Variants in BEGAIN observed in about 807,000 individuals in gnomAD.
The protein encoded by BEGAIN is brain-enriched guanylate kinase-associated protein.
In BEGAIN, 19 loss-of-function variants were observed where a neutral mutation model predicts 35.8. The ratio of observed to expected loss-of-function variants is 0.53; its 90% confidence interval spans 0.37 to 0.78. The LOEUF is 0.78. Ranked by LOEUF, BEGAIN falls within the 30% of genes least tolerant of loss-of-function variation. The pLI, the probability that BEGAIN is intolerant of heterozygous loss-of-function variation, is 0.00. For missense variants in BEGAIN, 795 were observed against 853.6 expected (o/e 0.93, Z 0.85); for synonymous variants, 462 against 388.6 (o/e 1.19, Z -2.22).
In BEGAIN at chr14:100,586,996, A is replaced by G. The variant is rs542518997; in HGVS notation, c.42+253T>C. ...CAGGGCGCAAGGACCCCGCGATAGG[A>G]CCCGGGCGCTCCCGGCGGCGCGCGG... is the stretch of plus-strand genomic sequence containing the variant. On this transcript the variant is annotated intron_variant, in intron 1 of 6. Coordinates refer to ENST00000554140, the MANE Select transcript of BEGAIN (RefSeq NM_001385089.1). The surrounding 1 kb of genome is among the most constrained non-coding windows in gnomAD (Gnocchi z 4.9). Among the ~76,000 whole-genome samples the G allele has an allele frequency of 6.6e-6, 1 of 151,004 alleles. No individual in the cohort carries two copies. The highest frequency in any genetic ancestry group is 2.4e-5 in the African/African-American group (1 of 41,110).
intron 2 of BEGAIN, chr14:100,550,504 C>T (rs893979687): frequency 2.5e-5 from 10 of 398,974 alleles, no homozygotes; most frequent in African/African-American, 6.2e-5. Context: ...CCAGGGGCTG[C>T]GCAGCCTGTG....
In BEGAIN at chr14:100,568,631, C is replaced by T. The variant is rs1301648391; in HGVS notation, c.43-692G>A. The T allele has an allele frequency of 2.5e-6, 2 of 796,010 alleles. No individual in the cohort carries two copies. Among genetic ancestry groups the T allele is most frequent in the Middle Eastern group, 5.5e-4 (1 of 1,816 alleles). The allele number at this position is 796,010 out of a possible 1,614,324, so 49.3% of individuals were successfully genotyped here. A position where few individuals can be genotyped will look rare whatever the true frequency, so the allele number is the denominator to read the frequency against. On this transcript the variant is annotated intron_variant, in intron 1 of 6. Coordinates refer to ENST00000554140, the MANE Select transcript of BEGAIN (RefSeq NM_001385089.1). The surrounding 1 kb of genome is among the most constrained non-coding windows in gnomAD (Gnocchi z 7.5). ...CCCGCCCGCGCGCGGCTTGGAGACC[C>T]TCCCTGCCCAGCCCCGCTCAGCCGG...
intron 1 of BEGAIN, among the ~76,000 whole-genome samples, chr14:100,570,925 C>T (rs775959049): frequency 4.6e-5 from 7 of 152,192 alleles, no homozygotes; most frequent in African/African-American, 7.2e-5. Context: ...GCTGGAGAAC[C>T]GCGGCGCTGC....
chr14:100,542,699 C>T (rs2031803710), intron 5 of BEGAIN, among the ~76,000 whole-genome samples: 1 of 152,232 alleles, frequency 6.6e-6, no homozygotes, highest in South Asian at 2.1e-4. Flanking sequence ...CAAAACACAA[C>T]CAGAATCCCA....
At position 100,573,114 on chromosome 14, in the gene BEGAIN, A is replaced by G. The variant is rs2035121500; in HGVS notation, c.43-5175T>C. 6.6e-6 allele frequency among the ~76,000 whole-genome samples: 1 copy of G among 150,960 alleles called. No homozygotes were observed. The highest frequency in any genetic ancestry group is 2.1e-4 in the South Asian group (1 of 4,722). ...TGCAGTGATGAACACAGAGGCCCGGATGAAGTGAGCTGAGCCCAGTAGCAG... is the reference window on the plus strand; with the variant it reads ...TGCAGTGATGAACACAGAGGCCCGGGTGAAGTGAGCTGAGCCCAGTAGCAG... On this transcript the variant is annotated intron_variant, in intron 1 of 6. Coordinates refer to ENST00000554140, the MANE Select transcript of BEGAIN (RefSeq NM_001385089.1). The surrounding 1 kb of genome is among the most constrained non-coding windows in gnomAD (Gnocchi z 4.2).
At chr14:100,582,474 T>A (rs1232230464) in intron 1 of BEGAIN, among the ~76,000 whole-genome samples, 1 of 152,178 alleles carries the variant, frequency 6.6e-6, no homozygotes, top group African/African-American at 2.4e-5. Context: ...CCTTTTGCAG[T>A]TGAGGACACT....
At chr14:100,550,618 G>A (rs981819625) in intron 2 of BEGAIN, 6 of 397,638 alleles carry the variant, frequency 1.5e-5, no homozygotes, top group Non-Finnish European at 2.2e-5. Flanking sequence ...GGCTGAGACC[G>A]AGAGAGATGG....
rs2032567544 is a variant in BEGAIN at position 100,546,796 on chromosome 14, ACACACACACACACACACT to A, written c.72-152_72-135del. On this transcript the variant is annotated intron_variant, in intron 2 of 6. Coordinates refer to ENST00000554140, the MANE Select transcript of BEGAIN (RefSeq NM_001385089.1). ...CGCGCGCGCGCACACACACACACAC[ACACACACACACACACACT>A]CACACACACCCAGCCTCCCGGGCGT... The A allele has an allele frequency of 2.4e-5, 15 of 626,464 alleles. 1 individual carries two copies. The highest frequency in any genetic ancestry group is 4.6e-4 in the Middle Eastern group (1 of 2,160). 38.8% of individuals were successfully genotyped at this position (626,464 alleles called of 1,614,324 possible). A position where few individuals can be genotyped will look rare whatever the true frequency, so the allele number is the denominator to read the frequency against.
intron 6 of BEGAIN, 55 bp from the exon 7 acceptor site, chr14:100,539,370 A>G: frequency 6.7e-7 from 1 of 1,501,728 alleles, no homozygotes; most frequent in South Asian, 1.3e-5. Context: ...TTAGCATGGC[A>G]GCCCAGCCCT....
rs1487648363 is a variant in BEGAIN at position 100,587,370 on chromosome 14, C to G, written c.-80G>C. 1.4e-5 allele frequency: 2 copies of G among 146,370 alleles called. No homozygotes were observed. The highest frequency in any genetic ancestry group is 6.8e-5 in the Admixed American group (1 of 14,702). The allele number at this position is 146,370 out of a possible 1,614,324, so 9.1% of individuals were successfully genotyped here. A position where few individuals can be genotyped will look rare whatever the true frequency, so the allele number is the denominator to read the frequency against. ...CCTCCGAGGCCGAGCGCGCCGGGAGCCGGCGCGGCCGGGGCTCCCCCACCC... is the reference window on the plus strand; with the variant it reads ...CCTCCGAGGCCGAGCGCGCCGGGAGGCGGCGCGGCCGGGGCTCCCCCACCC... On this transcript the variant is annotated 5_prime_UTR_variant, in exon 1 of 7. Coordinates refer to ENST00000554140, the MANE Select transcript of BEGAIN (RefSeq NM_001385089.1).
At chr14:100,554,879 G>GC (rs944947800) in intron 2 of BEGAIN, among the ~76,000 whole-genome samples, 21 of 152,096 alleles carry the variant, frequency 1.4e-4, no homozygotes, top group South Asian at 6.2e-4. Flanking sequence ...GCCATTCCTG[G>GC]CCCCCCCCAC....
chr14:100,538,801 G>A lies in BEGAIN; in HGVS notation c.1007C>T (p.Thr336Met), dbSNP rs765910548. 5 of 1,600,454 alleles carry A rather than the reference G, an allele frequency of 3.1e-6. No individual in the cohort carries two copies. Among genetic ancestry groups the A allele is most frequent in the Admixed American group, 3.5e-5 (2 of 57,568 alleles). The change falls in exon 7 of 7, where the codon ACG (threonine) becomes ATG (methionine). Residue 336 changes from threonine to methionine, a missense_variant. By Grantham distance (81) the Thr-to-Met change is moderately conservative. This residue lies in a region of BEGAIN where 664 missense variants were observed against 647.7 expected (regional missense o/e 1.03). Coordinates refer to ENST00000554140, the MANE Select transcript of BEGAIN (RefSeq NM_001385089.1). ...SEEKEHAQAS[T>M]LTASQQAIYL... The stretch of plus-strand genomic sequence containing the variant: ...GATGGCCTGCTGCGACGCGGTCAGC[G>A]TGCTGGCCTGCGCGTGCTCCTTCTC...
intron 1 of BEGAIN, among the ~76,000 whole-genome samples, chr14:100,584,477 G>A (rs1244596846): frequency 1.3e-5 from 2 of 152,226 alleles, no homozygotes; most frequent in South Asian, 2.1e-4. Context: ...TGGAGGGCAA[G>A]GTCTGTGTCA....
Position 100,568,521 on chromosome 14 carries a change from G to C in BEGAIN, c.43-582C>G. On this transcript the variant is annotated intron_variant, in intron 1 of 6. Coordinates refer to ENST00000554140, the MANE Select transcript of BEGAIN (RefSeq NM_001385089.1). This position sits in a 1 kb window ranked among gnomAD's most constrained non-coding sequence, Gnocchi z 7.5. ...GCTGCCCTCAGATTCTGGGGTTTTG[G>C]GCCTGGCTTGCCCCTCCCGGGCCCC... 1 of 1,286,730 alleles carries C rather than the reference G, an allele frequency of 7.8e-7. No homozygotes were observed. Among genetic ancestry groups the C allele is most frequent in the Non-Finnish European group, 1.0e-6 (1 of 987,560 alleles). 79.7% of individuals were successfully genotyped at this position (1,286,730 alleles called of 1,614,324 possible). A position where few individuals can be genotyped will look rare whatever the true frequency, so the allele number is the denominator to read the frequency against.
chr14:100,539,928 G>C (rs1024921492), intron 6 of BEGAIN, among the ~76,000 whole-genome samples: 1 of 152,194 alleles, frequency 6.6e-6, no homozygotes, highest in Non-Finnish European at 1.5e-5. Flanking sequence ...GAACGCACAG[G>C]CCTGGCTGGG....
At chr14:100,578,367 G>T (rs1461168481) in intron 1 of BEGAIN, among the ~76,000 whole-genome samples, 1 of 152,252 alleles carries the variant, frequency 6.6e-6, no homozygotes, top group East Asian at 1.9e-4. Context: ...GGCCACGGTG[G>T]CCACCATGAT....
Position 100,568,336 on chromosome 14 carries a change from GC to G in BEGAIN, c.43-398del. On this transcript the variant is annotated intron_variant, in intron 1 of 6. Coordinates refer to ENST00000554140, the MANE Select transcript of BEGAIN (RefSeq NM_001385089.1). This position sits in a 1 kb window ranked among gnomAD's most constrained non-coding sequence, Gnocchi z 7.5. ...CCCGCCCCGCCCGTTAACCCTTCCT[GC>G]CCCGCGCTCCCTCCCGGAGGAAGCC... The G allele has an allele frequency of 1.3e-6, 1 of 780,596 alleles. No individual in the cohort carries two copies. The highest frequency in any genetic ancestry group is 1.7e-6 in the Non-Finnish European group (1 of 574,744). The allele number at this position is 780,596 out of a possible 1,614,324, so 48.4% of individuals were successfully genotyped here.
rs888924779 is a variant in BEGAIN at position 100,558,320 on chromosome 14, C to T, written c.71+9591G>A. On this transcript the variant is annotated intron_variant, in intron 2 of 6. Transcript: ENST00000554140. This position sits in a 1 kb window ranked among gnomAD's most constrained non-coding sequence, Gnocchi z 4.6. ...GTCTCAGCCTTCACCTGACCTGCGC[C>T]CTCAGCAGCCAGGCACATGCTGCCT... 2.6e-5 allele frequency among the ~76,000 whole-genome samples: 4 copies of T among 152,154 alleles called. No homozygotes were observed. Among genetic ancestry groups the T allele is most frequent in the Non-Finnish European group, 4.4e-5 (3 of 68,028 alleles).
intron 2 of BEGAIN, among the ~76,000 whole-genome samples, chr14:100,551,370 G>A (rs1027232461): frequency 2.0e-5 from 3 of 152,200 alleles, no homozygotes; most frequent in Non-Finnish European, 4.4e-5. Flanking sequence ...CTCACCCTGC[G>A]CCAAAGCAGG....
Sources: allele counts gnomAD v4.1 joint callset (sites outside exome capture counted in the v4.1 genomes callset), GRCh38; gene constraint gnomAD v4.1.1; regional missense constraint gnomAD v4.1.1; non-coding constraint Gnocchi (gnomAD v3.1); transcripts MANE v1.5; gene names NCBI Gene and HGNC (gene_info 2026-07-23, HGNC 2026-07-21).